Variants in ZNF687 observed in about 807,000 individuals in gnomAD.
ZNF687 encodes the protein zinc finger protein 687.
A neutral mutation model predicts 71.8 loss-of-function variants in ZNF687; 13 were observed. That is an observed-to-expected ratio of 0.18 (90% CI 0.12 to 0.29). The LOEUF is 0.29. ZNF687 is among the 10% of genes least tolerant of loss of function. ZNF687 has a pLI of 1.00. For synonymous variants in ZNF687, 673 were observed against 641.6 expected (o/e 1.05, Z -0.74); for missense variants, 1,412 against 1,625.6 (o/e 0.87, Z 2.26).
chr1:151,283,179 G>C, intron 1 of ZNF687: 9 of 985,372 alleles, frequency 9.1e-6, no homozygotes, highest in Non-Finnish European at 9.6e-6. Flanking sequence ...CCCCCTCCTC[G>C]AAACCCAGGA....
chr1:151,289,186 A>G lies in ZNF687; in HGVS notation c.2386A>G (p.Ile796Val), dbSNP rs1694086785. ...CTGCGAGGTTTTCCACAAGTGCCCC[A>G]TCTGCCCCATGGCCTTCAAGTCTGG... The part of the protein sequence containing the change: ...SHCEVFHKCP[I>V]CPMAFKSGPS... Residue 796 changes from isoleucine (I) to valine (V), a missense_variant, in exon 4 of 9, where the codon ATC (isoleucine) becomes GTC (valine). Ile to Val is a conservative substitution (Grantham distance 29). Around this residue, in one of 8 missense-constraint regions of ZNF687, gnomAD observed 106 missense variants for 146.0 expected, o/e 0.73. Transcript: ENST00000336715. The G allele has an allele frequency of 6.2e-7, 1 of 1,614,048 alleles. No individual in the cohort carries two copies.
chr1:151,282,190 C>A (rs867010722), upstream of ZNF687: 4 of 1,078,766 alleles, frequency 3.7e-6, no homozygotes, highest in Middle Eastern at 2.8e-4. Flanking sequence ...GGAAGGGGCA[C>A]AGGGCTGAGC....
At chr1:151,288,953 C>A in intron 3 of ZNF687, 142 bp from the exon 4 acceptor site, 1 of 1,039,840 alleles carries the variant, frequency 9.6e-7, no homozygotes, top group Non-Finnish European at 1.4e-6. Flanking sequence ...CTCTGCACCT[C>A]TCTCCTTTCT....
At chr1:151,284,474 C>T (rs1693860395) in intron 1 of ZNF687, among the ~76,000 whole-genome samples, 1 of 152,148 alleles carries the variant, frequency 6.6e-6, no homozygotes, top group African/African-American at 2.4e-5. Context: ...CTTTCTGTTC[C>T]TGTGTCTTAT....
rs1694056541 is a variant in ZNF687, at chr1:151,288,546, A to G, written c.2134A>G (p.Met712Val). The change falls in exon 3 of 9, where the codon ATG becomes GTG. Residue 712 changes from methionine (M) to valine (V), a missense_variant. By Grantham distance (21) the Met-to-Val change is conservative. This residue lies in a region of ZNF687 where 207 missense variants were observed against 239.2 expected (regional missense o/e 0.87). Transcript: ENST00000336715. ...ATSNVCPTCPMMLPNRCSFSA... is the reference protein window; with the variant it reads ...ATSNVCPTCPVMLPNRCSFSA... ...TCGACAGGTGTGCCCAACCTGCCCC[A>G]TGATGCTCCCCAATCGCTGCAGCTT... 6.2e-7 allele frequency: 1 copy of G among 1,609,260 alleles called. No homozygotes were observed. Among genetic ancestry groups the G allele is most frequent in the East Asian group, 2.2e-5 (1 of 44,764 alleles).
At chr1:151,282,445 G>A in intron 1 of ZNF687, 50 bp downstream of exon 1, 2 of 983,820 alleles carry the variant, frequency 2.0e-6, no homozygotes, top group Non-Finnish European at 2.4e-6. Context: ...CCCCTTGGGG[G>A]GGGCGGGTAA....
Position 151,286,854 on chromosome 1 carries a change from G to C in ZNF687, c.563G>C (p.Gly188Ala). ...PPSAPSPTREGALTPPPFPSS... is the reference protein window; with the variant it reads ...PPSAPSPTREAALTPPPFPSS... ...TCTGCACCCTCTCCCACTCGGGAGG[G>C]GGCTCTGACCCCGCCTCCTTTCCCC... Residue 188 changes from glycine (G) to alanine (A), a missense_variant, in exon 2 of 9, where the codon GGG becomes GCG. Gly to Ala is a moderately conservative substitution (Grantham distance 60, BLOSUM62 0). Around this residue, in one of 8 missense-constraint regions of ZNF687, gnomAD observed 490 missense variants for 489.9 expected, o/e 1.00. Transcript: ENST00000336715. The C allele has an allele frequency of 6.2e-7, 1 of 1,613,888 alleles. No individual in the cohort carries two copies. Among genetic ancestry groups the C allele is most frequent in the Admixed American group, 1.7e-5 (1 of 60,010 alleles).
At chr1:151,283,144 TGTA>T (rs1693796376) in intron 1 of ZNF687, 11 of 985,372 alleles carry the variant, frequency 1.1e-5, no homozygotes, top group Non-Finnish European at 1.3e-5. Flanking sequence ...CAGTTTCCCT[TGTA>T]GTTTCTCATG....
rs1693985346 is a variant in ZNF687 at position 151,287,139 on chromosome 1, C to T, written c.848C>T (p.Pro283Leu). The T allele has an allele frequency of 6.2e-7, 1 of 1,614,056 alleles. No homozygotes were observed. The highest frequency in any genetic ancestry group is 8.5e-7 in the Non-Finnish European group (1 of 1,180,022). Reference protein sequence around the residue: ...LASPKVPVCQPLKEEDDDEGP... With the variant: ...LASPKVPVCQLLKEEDDDEGP... ...TCCCCCAAAGTGCCCGTCTGTCAGC[C>T]CTTGAAGGAAGAAGATGATGATGAG... Residue 283 changes from proline to leucine, a missense_variant, in exon 2 of 9, where the codon CCC becomes CTC. By Grantham distance (98) the Pro-to-Leu change is moderately conservative (BLOSUM62 -3). Transcript: ENST00000336715. The surrounding 1 kb of genome is among the most constrained non-coding windows in gnomAD (Gnocchi z 5.0).
Position 151,290,492 on chromosome 1 carries a change from G to T in ZNF687, c.3138G>T (p.Gln1046His). ...SSRLILEKHV[Q>H]VRHGLQLGAQ... is the part of the protein sequence containing the mutation. Reference sequence around the variant, plus strand: ...GCCTGATCCTAGAGAAACATGTCCAGGTCCGGCACGGCTTGCAGCTTGGGG... The same window carrying T: ...GCCTGATCCTAGAGAAACATGTCCATGTCCGGCACGGCTTGCAGCTTGGGG... The change falls in exon 8 of 9, where the codon CAG becomes CAT. Residue 1046 changes from glutamine to histidine, a missense_variant. Gln to His is a conservative substitution (Grantham distance 24, BLOSUM62 0). Around this residue, in one of 8 missense-constraint regions of ZNF687, gnomAD observed 284 missense variants for 359.2 expected, o/e 0.79. Coordinates refer to ENST00000336715, the MANE Select transcript of ZNF687 (RefSeq NM_020832.3). 1 of 1,614,020 alleles carries T rather than the reference G, an allele frequency of 6.2e-7. No homozygotes were observed. Among genetic ancestry groups the T allele is most frequent in the East Asian group, 2.2e-5 (1 of 44,884 alleles).
At chr1:151,281,901 G>A, upstream of ZNF687, 3 of 705,422 alleles carry the variant, frequency 4.3e-6, no homozygotes, top group Non-Finnish European at 6.2e-6. Context: ...GTGAACTGCA[G>A]CTTCAAGCTT....
chr1:151,289,053 A>T (rs190581656), intron 3 of ZNF687, 42 bp from the exon 4 acceptor site: 675 of 1,597,662 alleles, frequency 4.2e-4, no homozygotes, highest in South Asian at 1.5e-3. Flanking sequence ...GGGCATGGAG[A>T]TGCCTCCCAC....
chr1:151,290,778 C>T lies in ZNF687; in HGVS notation c.3283C>T (p.Pro1095Ser). 1.9e-6 allele frequency: 3 copies of T among 1,613,662 alleles called. No individual in the cohort carries two copies. Among genetic ancestry groups the T allele is most frequent in the Non-Finnish European group, 2.5e-6 (3 of 1,179,914 alleles). ...SCSEEPDSTT[P>S]PAKSPRGGPG... ...CAGTGAGGAGCCTGACAGCACGACA[C>T]CGCCAGCCAAGTCCCCCAGGGGCGG... Residue 1095 changes from proline to serine, a missense_variant, in exon 9 of 9, where the codon CCG becomes TCG. By Grantham distance (74) the Pro-to-Ser change is moderately conservative. Coordinates refer to ENST00000336715, the MANE Select transcript of ZNF687 (RefSeq NM_020832.3).
In ZNF687 at chr1:151,291,235, C is replaced by CCCTT; in HGVS notation, c.*30_*33dup. On this transcript the variant is annotated 3_prime_UTR_variant, in exon 9 of 9. Coordinates refer to ENST00000336715, the MANE Select transcript of ZNF687 (RefSeq NM_020832.3). ...TCTCCAAGGCCTGGGACTGACCAGC[C>CCCTT]CCTTCCTCTTGGAGCCTGGTTTTCC... The CCCTT allele has an allele frequency of 6.4e-7, 1 of 1,569,304 alleles. No individual in the cohort carries two copies. Among genetic ancestry groups the CCCTT allele is most frequent in the Non-Finnish European group, 8.7e-7 (1 of 1,155,632 alleles).
At chr1:151,283,569 C>T (rs1393446133) in intron 1 of ZNF687, among the ~76,000 whole-genome samples, 2 of 134,634 alleles carry the variant, frequency 1.5e-5, no homozygotes, top group Non-Finnish European at 3.2e-5. Flanking sequence ...AGGTGGCTGG[C>T]GGGGTGTGGG....
intron 7 of ZNF687, 36 bp from the exon 8 acceptor site, chr1:151,290,395 TG>T: frequency 6.2e-7 from 1 of 1,613,584 alleles, no homozygotes; most frequent in Non-Finnish European, 8.5e-7. Context: ...GCCTTCGGGC[TG>T]TGCCGCTGCT....
rs1571111321 is a variant in ZNF687 at position 151,291,068 on chromosome 1, A to C, written c.3573A>C (p.Ser1191=). 2 of 1,613,556 alleles carry C rather than the reference A, an allele frequency of 1.2e-6. No individual in the cohort carries two copies. Among genetic ancestry groups the C allele is most frequent in the South Asian group, 2.2e-5 (2 of 91,078 alleles). Reference sequence around the variant, plus strand: ...GGTCTGACCCCGATGGTGGAGACTCACCCCTGCCTGCTTCTGGAGGCCCAC... The same window carrying C: ...GGTCTGACCCCGATGGTGGAGACTCCCCCCTGCCTGCTTCTGGAGGCCCAC... ...PSRSDPDGGD[S]PLPASGGPLT... Residue 1191 remains serine, a synonymous_variant, in exon 9 of 9, where the codon TCA becomes TCC. Coordinates refer to ENST00000336715, the MANE Select transcript of ZNF687 (RefSeq NM_020832.3).
intron 8 of ZNF687, 56 bp downstream of exon 8, chr1:151,290,629 G>A (rs1157131443): frequency 6.3e-7 from 1 of 1,588,716 alleles, no homozygotes; most frequent in Non-Finnish European, 8.6e-7. Context: ...CTGGAAGGCA[G>A]AGACCATGGC....
chr1:151,281,761 C>T (rs1693721633), upstream of ZNF687: 2 of 384,724 alleles, frequency 5.2e-6, no homozygotes, highest in Admixed American at 3.2e-5. Context: ...AACTTCTGTA[C>T]GGCATCAGTG....
Sources: allele counts gnomAD v4.1 joint callset (sites outside exome capture counted in the v4.1 genomes callset), GRCh38; gene constraint gnomAD v4.1.1; regional missense constraint gnomAD v4.1.1; non-coding constraint Gnocchi (gnomAD v3.1); transcripts MANE v1.5; gene names NCBI Gene and HGNC (gene_info 2026-07-23, HGNC 2026-07-21).